The following CACNA2D3 variants were observed in gnomAD, a reference collection of about 807,000 sequenced individuals.
CACNA2D3 encodes calcium voltage-gated channel auxiliary subunit alpha2delta 3.
A neutral mutation model predicts 160.6 loss-of-function variants in CACNA2D3; 60 were observed. The observed-to-expected ratio is 0.37, with a 90% CI of 0.30 to 0.46. The LOEUF (loss-of-function observed/expected upper bound fraction) is 0.46, where lower values mean the gene tolerates loss of function less well. Ranked by LOEUF, CACNA2D3 falls within the 20% of genes least tolerant of loss-of-function variation. CACNA2D3 has a pLI of 1.00. For missense variants in CACNA2D3, 1,205 were observed against 1,365.0 expected (o/e 0.88, Z 1.85); for synonymous variants, 558 against 492.9 (o/e 1.13, Z -1.75).
intron 35 of CACNA2D3, among the ~76,000 whole-genome samples, chr3:55,033,030 G>A (rs1703714168): frequency 1.3e-5 from 2 of 152,018 alleles, no homozygotes; most frequent in Admixed American, 1.3e-4. Flanking sequence ...ACAAGTATCT[G>A]TTTTGAAAAC....
chr3:54,403,560 A>G (rs781491419), intron 4 of CACNA2D3, among the ~76,000 whole-genome samples: 5 of 152,214 alleles, frequency 3.3e-5, no homozygotes, highest in African/African-American at 4.8e-5. Flanking sequence ...AAGATTTTAA[A>G]TAAGTAGCCC....
intron 4 of CACNA2D3, among the ~76,000 whole-genome samples, chr3:54,479,230 G>A (rs945465019): frequency 2.6e-5 from 4 of 152,098 alleles, no homozygotes; most frequent in Non-Finnish European, 5.9e-5. Flanking sequence ...CCCTTCCACT[G>A]TGATTGTAAG....
At chr3:54,596,815 C>T (rs1373417152) in intron 9 of CACNA2D3, among the ~76,000 whole-genome samples, 1 of 152,154 alleles carries the variant, frequency 6.6e-6, no homozygotes, top group Non-Finnish European at 1.5e-5. Context: ...CTCCCACACT[C>T]CTTCTTCGCC....
chr3:54,424,242 C>T (rs925034364), intron 4 of CACNA2D3, among the ~76,000 whole-genome samples: 2 of 152,180 alleles, frequency 1.3e-5, no homozygotes, highest in Admixed American at 6.5e-5. Context: ...GCTATGGGAC[C>T]TTCCCACAGC....
chr3:54,195,776 G>A (rs1701068208), intron 2 of CACNA2D3, among the ~76,000 whole-genome samples: 1 of 152,142 alleles, frequency 6.6e-6, no homozygotes, highest in Non-Finnish European at 1.5e-5. Context: ...CAGGCTGAGG[G>A]ATGTCAAGCA....
chr3:54,826,343 T>TCC (rs1703750520), intron 14 of CACNA2D3, among the ~76,000 whole-genome samples: 1 of 152,214 alleles, frequency 6.6e-6, no homozygotes, highest in Non-Finnish European at 1.5e-5. Context: ...ACTGGAGCAG[T>TCC]TGTGCAATCC....
intron 3 of CACNA2D3, among the ~76,000 whole-genome samples, chr3:54,380,273 G>T (rs1699078278): frequency 6.6e-6 from 1 of 152,150 alleles, no homozygotes; most frequent in Non-Finnish European, 1.5e-5. Context: ...AATCCGTGAT[G>T]GATTGAGTTT....
intron 10 of CACNA2D3, chr3:54,632,259 C>T (rs1699256227): frequency 6.6e-6 from 1 of 152,202 alleles, no homozygotes; most frequent in African/African-American, 2.4e-5. Context: ...GCTCTTTATT[C>T]TAGTCCACAT....
intron 11 of CACNA2D3, among the ~76,000 whole-genome samples, chr3:54,720,023 TTTTCACTCA>T (rs1701141139): frequency 6.6e-6 from 1 of 151,988 alleles, no homozygotes; most frequent in African/African-American, 2.4e-5. Context: ...TTAATTTATG[TTTTCACTCA>T]TTTTTTCTAA....
intron 35 of CACNA2D3, among the ~76,000 whole-genome samples, chr3:55,055,908 C>T (rs997893502): frequency 5.3e-5 from 8 of 151,870 alleles, no homozygotes; most frequent in South Asian, 2.1e-4. Context: ...TTAGGTTTGA[C>T]CCCAAAAGCA....
At chr3:54,722,921 C>T (rs493974) in intron 11 of CACNA2D3, among the ~76,000 whole-genome samples, 129,209 of 152,168 alleles carry the variant, frequency 0.85, 56,037 homozygotes, top group Non-Finnish European at 0.94. Flanking sequence ...GCTCGAACGC[C>T]GTACTGGGAG....
intron 4 of CACNA2D3, among the ~76,000 whole-genome samples, chr3:54,460,516 T>C (rs946815589): frequency 4.6e-5 from 7 of 152,220 alleles, no homozygotes; most frequent in African/African-American, 7.2e-5. Context: ...GAATCCTAGG[T>C]ATTTTATTCT....
At chr3:54,445,069 GGCAGGTA>G (rs1490739726) in intron 4 of CACNA2D3, among the ~76,000 whole-genome samples, 2 of 152,208 alleles carry the variant, frequency 1.3e-5, no homozygotes, top group African/African-American at 2.4e-5. Flanking sequence ...ACCTGTAACA[GGCAGGTA>G]GCAGATGCAT....
chr3:54,736,939 A>G (rs1169285703), intron 11 of CACNA2D3, among the ~76,000 whole-genome samples: 2 of 152,160 alleles, frequency 1.3e-5, no homozygotes, highest in Admixed American at 6.5e-5. Context: ...CGTATCATGT[A>G]TGGTACCAGG....
intron 4 of CACNA2D3, among the ~76,000 whole-genome samples, chr3:54,454,367 C>T (rs771769125): frequency 6.6e-6 from 1 of 152,116 alleles, no homozygotes; most frequent in Non-Finnish European, 1.5e-5. Context: ...TCTTGTACCC[C>T]GGTGTAGTCA....
chr3:54,455,721 C>A (rs754835065), intron 4 of CACNA2D3, among the ~76,000 whole-genome samples: 1 of 151,996 alleles, frequency 6.6e-6, no homozygotes, highest in Non-Finnish European at 1.5e-5. Flanking sequence ...AGATTTAAGT[C>A]TTTAATTCAT....
At chr3:54,470,083 T>A (rs1700702860) in intron 4 of CACNA2D3, among the ~76,000 whole-genome samples, 1 of 151,678 alleles carries the variant, frequency 6.6e-6, no homozygotes, top group Non-Finnish European at 1.5e-5. Context: ...ACAGAGAACA[T>A]CACAAAGATA....
chr3:54,248,974 G>A (rs996957367), intron 2 of CACNA2D3, among the ~76,000 whole-genome samples: 21 of 152,166 alleles, frequency 1.4e-4, no homozygotes, highest in Admixed American at 1.0e-3. Flanking sequence ...GAATATGTAC[G>A]TGTGCAAGGC....
At chr3:54,301,596 C>T (rs376972341) in intron 2 of CACNA2D3, among the ~76,000 whole-genome samples, 4 of 152,130 alleles carry the variant, frequency 2.6e-5, no homozygotes, top group Non-Finnish European at 1.5e-5. Flanking sequence ...GTTGCAATTA[C>T]TAGTTGGAGT....
Sources: gnomAD v4.1 joint callset for allele counts (sites outside exome capture counted in the v4.1 genomes callset) on GRCh38, gnomAD v4.1.1 for gene constraint, MANE v1.5 for transcripts, NCBI Gene and HGNC (gene_info 2026-07-23, HGNC 2026-07-21) for gene names.